The following WRN variants were observed in gnomAD, a reference collection of about 807,000 sequenced individuals.
The protein encoded by WRN is WRN RecQ like helicase.
Under a neutral mutation model 180.7 loss-of-function variants are expected in WRN, and 149 were observed. That is an observed-to-expected ratio of 0.82 (90% CI 0.72 to 0.94). The LOEUF (loss-of-function observed/expected upper bound fraction) is 0.94. WRN is among the 40% of genes least tolerant of loss of function. WRN has a pLI of 0.00. For synonymous variants in WRN, 548 were observed against 568.9 expected, an observed-to-expected ratio of 0.96 and a Z score of 0.52; for missense variants, 1,661 against 1,700.1, an observed-to-expected ratio of 0.98 and a Z score of 0.40.
chr8:31,068,389 A>G, intron 7 of WRN, 62 bp downstream of exon 7: 1 of 1,382,584 alleles, frequency 7.2e-7, no homozygotes, highest in Admixed American at 1.8e-5. Context: ...TCTCCAAAAA[A>G]GGCAATATTC....
chr8:31,136,111 T>C (rs2553279), intron 24 of WRN, among the ~76,000 whole-genome samples: 148,951 of 152,314 alleles, frequency 0.98, 72,933 homozygotes, highest in East Asian at 1. Context: ...GCGATCCTAC[T>C]TCCTTGGCTT....
chr8:31,102,725 T>G (rs1224138162), intron 18 of WRN, among the ~76,000 whole-genome samples: 3 of 152,048 alleles, frequency 2.0e-5, no homozygotes, highest in Non-Finnish European at 4.4e-5. Context: ...GAGTGGCGAG[T>G]GAATGTAAAG....
chr8:31,081,940 T>C (rs1813330660), intron 9 of WRN, among the ~76,000 whole-genome samples: 1 of 152,040 alleles, frequency 6.6e-6, no homozygotes, highest in African/African-American at 2.4e-5. Flanking sequence ...TTTGTATTTT[T>C]TGTAGAGATG....
chr8:31,098,198 T>C (rs1050941980), intron 17 of WRN, among the ~76,000 whole-genome samples: 3 of 152,204 alleles, frequency 2.0e-5, no homozygotes, highest in Non-Finnish European at 4.4e-5. Flanking sequence ...GACAATGAAT[T>C]TGATATGTTT....
chr8:31,132,336 T>C (rs1802211437), intron 23 of WRN, 29 bp from the exon 24 acceptor site: 1 of 1,609,098 alleles, frequency 6.2e-7, no homozygotes, highest in Non-Finnish European at 8.5e-7. Context: ...TTTGCTAAGC[T>C]TTCTTCAAAT....
chr8:31,046,111 G>A (rs1348967179), intron 1 of WRN, among the ~76,000 whole-genome samples: 1 of 151,954 alleles, frequency 6.6e-6, no homozygotes, highest in African/African-American at 2.4e-5. Flanking sequence ...ATTTGGACTT[G>A]GATATAATTG....
intron 23 of WRN, 148 bp from the exon 24 acceptor site, chr8:31,132,217 C>A: frequency 1.1e-6 from 1 of 882,598 alleles, no homozygotes; most frequent in Non-Finnish European, 1.7e-6. Context: ...TTTACATACT[C>A]GGGTATAATG....
At chr8:31,163,121 C>T (rs564113982) in intron 33 of WRN, among the ~76,000 whole-genome samples, 2 of 152,304 alleles carry the variant, frequency 1.3e-5, no homozygotes, top group African/African-American at 2.4e-5. Context: ...CGCACGCATG[C>T]GTGCTCATTC....
At chr8:31,167,397 TA>T (rs949698648) in intron 34 of WRN, among the ~76,000 whole-genome samples, 167 bp downstream of exon 34, 10 of 151,800 alleles carry the variant, frequency 6.6e-5, no homozygotes, top group African/African-American at 2.2e-4. Flanking sequence ...GAAAAGTGAT[TA>T]AAAAAAAGAC....
chr8:31,128,093 A>C (rs1244947061), intron 23 of WRN, among the ~76,000 whole-genome samples: 2 of 152,088 alleles, frequency 1.3e-5, no homozygotes, highest in African/African-American at 4.8e-5. Flanking sequence ...TAAAAAAAAA[A>C]ACAAACTTAA....
chr8:31,109,498 AT>A lies in WRN; in HGVS notation c.2089-2109del, dbSNP rs1419869307. Among the ~76,000 whole-genome samples the A allele has an allele frequency of 5.3e-5, 8 of 151,724 alleles. No individual in the cohort carries two copies. The South Asian group carries it at 8.4e-4, about 16-fold the overall frequency. ...CACATCATATAGCCGTCTCCATCTC[AT>A]TTTTTTTGCTGAAAAAACTGAGCCC... On this transcript the variant is annotated intron_variant, in intron 18 of 34. Transcript: ENST00000298139.
Position 31,094,215 on chromosome 8 carries a change from C to T in WRN, c.1898+2317C>T, listed in dbSNP as rs113892957. On this transcript the variant is annotated intron_variant, in intron 16 of 34. Transcript: ENST00000298139. Reference sequence around the variant, plus strand: ...ATAACTTTTACCATTTTAATCATTACTAAAGTCCAGTGGGTTTTGGTATAG... The same window carrying T: ...ATAACTTTTACCATTTTAATCATTATTAAAGTCCAGTGGGTTTTGGTATAG... Among the ~76,000 whole-genome samples, 208 of 152,200 alleles carry T rather than the reference C, an allele frequency of 1.4e-3. 2 individuals are homozygous for T. The highest frequency in any genetic ancestry group is 4.7e-3 in the African/African-American group (194 of 41,530).
intron 24 of WRN, among the ~76,000 whole-genome samples, chr8:31,137,741 GCCCC>G (rs1802452511): frequency 6.6e-6 from 1 of 152,022 alleles, no homozygotes; most frequent in Non-Finnish European, 1.5e-5. Flanking sequence ...TAGCTTAAGA[GCCCC>G]CACATGTATG....
intron 23 of WRN, among the ~76,000 whole-genome samples, chr8:31,128,010 C>T (rs1048181057): frequency 2.0e-5 from 3 of 151,436 alleles, no homozygotes; most frequent in East Asian, 1.9e-4. Context: ...TTTGGAAGGC[C>T]GAGGCAAGAG....
chr8:31,140,690 G>A (rs572065675), intron 24 of WRN, among the ~76,000 whole-genome samples: 15 of 152,336 alleles, frequency 9.8e-5, no homozygotes, highest in African/African-American at 3.6e-4. Context: ...TGCATTGGAA[G>A]CTGTGAGTTG....
intron 28 of WRN, among the ~76,000 whole-genome samples, chr8:31,143,868 A>T (rs1210001386): frequency 6.6e-6 from 1 of 152,128 alleles, no homozygotes; most frequent in African/African-American, 2.4e-5. Context: ...TTTATATGTG[A>T]TATCTCATTT....
intron 11 of WRN, among the ~76,000 whole-genome samples, chr8:31,086,976 T>C (rs920552666): frequency 6.6e-6 from 1 of 152,226 alleles, no homozygotes; most frequent in African/African-American, 2.4e-5. Context: ...ATTCTAAGTA[T>C]GTTTGTGGAC....
chr8:31,137,496 C>T (rs1423925401), intron 24 of WRN, among the ~76,000 whole-genome samples: 2 of 151,940 alleles, frequency 1.3e-5, no homozygotes, highest in Non-Finnish European at 2.9e-5. Flanking sequence ...GGAAGGAAAG[C>T]CAACTAGATA....
intron 34 of WRN, among the ~76,000 whole-genome samples, chr8:31,167,665 A>G (rs1281860126): frequency 6.6e-6 from 1 of 152,096 alleles, no homozygotes; most frequent in East Asian, 1.9e-4. Flanking sequence ...AGGTACCAGG[A>G]TTATTGTTGC....
Sources: gnomAD v4.1 joint callset for allele counts (sites outside exome capture counted in the v4.1 genomes callset) on GRCh38, gnomAD v4.1.1 for gene constraint, MANE v1.5 for transcripts, NCBI Gene and HGNC (gene_info 2026-07-23, HGNC 2026-07-21) for gene names.